The following PLXNA2 variants were observed in gnomAD, a reference collection of about 807,000 sequenced individuals.
PLXNA2 encodes plexin-A2.
Under a neutral mutation model 193.5 loss-of-function variants are expected in PLXNA2, and 91 were observed. The ratio of observed to expected loss-of-function variants is 0.47; its 90% CI spans 0.40 to 0.56. The LOEUF (loss-of-function observed/expected upper bound fraction) is 0.56. Among genes scored for constraint, PLXNA2 ranks in the 20% least tolerant of loss-of-function variants. The pLI is 0.00. For synonymous variants in PLXNA2, 997 were observed against 1,027.3 expected (o/e 0.97, Z 0.56); for missense variants, 1,995 against 2,503.2 (o/e 0.80, Z 4.33).
chr1:208,058,004 C>T (rs142664160), intron 13 of PLXNA2, among the ~76,000 whole-genome samples: 2,186 of 152,314 alleles, frequency 0.014, 39 homozygotes, highest in Middle Eastern at 0.061. Flanking sequence ...GGTTCATCCA[C>T]AGCTGAGCTA....
rs1671185418 is a variant in PLXNA2 at position 208,217,728 on chromosome 1, C to A, written c.195G>T (p.Gly65=). 1 of 1,614,058 alleles carries A rather than the reference C, an allele frequency of 6.2e-7. No homozygotes were observed. Among genetic ancestry groups the A allele is most frequent in the African/African-American group, 1.3e-5 (1 of 74,916 alleles). ...VHQGTGAVYV[G]AINRVYKLTG... is the part of the protein sequence containing the mutation. The stretch of plus-strand genomic sequence containing the variant: ...TCAGCTTATAGACCCGGTTGATGGC[C>A]CCCACATAGACGGCCCCCGTCCCTT... The change falls in exon 2 of 32, where the codon GGG becomes GGT. Residue 65 remains glycine, a synonymous_variant. Transcript: ENST00000367033. This position sits in a 1 kb window ranked among gnomAD's most constrained non-coding sequence, Gnocchi z 4.7.
chr1:208,027,169 T>G lies in PLXNA2; in HGVS notation c.*74A>C. ...GCTCTGGGGCCTGATCCCCATCACT[T>G]GTCCTTCCATCTGAGACTCCCAGTG... On this transcript the variant is annotated 3_prime_UTR_variant, in exon 32 of 32. Coordinates refer to ENST00000367033, the MANE Select transcript of PLXNA2 (RefSeq NM_025179.4). The G allele has an allele frequency of 7.6e-7, 1 of 1,311,808 alleles. No homozygotes were observed. 81.3% of individuals were successfully genotyped at this position (1,311,808 alleles called of 1,614,324 possible).
At chr1:208,128,852 C>A (rs1668054598) in intron 4 of PLXNA2, among the ~76,000 whole-genome samples, 1 of 152,100 alleles carries the variant, frequency 6.6e-6, no homozygotes, top group Admixed American at 6.5e-5. Flanking sequence ...CAGGTGACCG[C>A]CACCATGCCT....
intron 1 of PLXNA2, among the ~76,000 whole-genome samples, chr1:208,232,359 C>T (rs75827807): frequency 0.04 from 6,044 of 152,298 alleles, 192 homozygotes; most frequent in Middle Eastern, 0.11. Flanking sequence ...TCCTATCTGC[C>T]TTGACTCCTC....
intron 4 of PLXNA2, among the ~76,000 whole-genome samples, chr1:208,115,810 G>C (rs934096830): frequency 2.0e-4 from 30 of 152,106 alleles, no homozygotes; most frequent in African/African-American, 7.2e-4. Flanking sequence ...GGAGCAAAAG[G>C]GAAGTACAAA....
Position 208,217,452 on chromosome 1 carries a change from G to A in PLXNA2, c.471C>T (p.His157=), listed in dbSNP as rs751820150. The A allele has an allele frequency of 6.2e-6, 10 of 1,614,186 alleles. No homozygotes were observed. Among genetic ancestry groups the A allele is most frequent in the South Asian group, 2.2e-5 (2 of 91,084 alleles). Residue 157 remains histidine (H), a synonymous_variant, in exon 2 of 32, where the codon CAC becomes CAT. Coordinates refer to ENST00000367033, the MANE Select transcript of PLXNA2 (RefSeq NM_025179.4). This position sits in a 1 kb window ranked among gnomAD's most constrained non-coding sequence, Gnocchi z 4.7. ...CCGTCTTGTTGACACTGGACAGGTA[G>A]TGCTCCTTCTTGTGGGATGGCTCCA... is the stretch of plus-strand genomic sequence containing the variant. ...ILVEPSHKKE[H]YLSSVNKTGT...
intron 2 of PLXNA2, among the ~76,000 whole-genome samples, chr1:208,212,656 C>T (rs1671000022): frequency 6.6e-6 from 1 of 152,176 alleles, no homozygotes; most frequent in Non-Finnish European, 1.5e-5. Flanking sequence ...CCAGAGCACT[C>T]CTCTCCCTCC....
At chr1:208,147,644 A>C (rs1668640050) in intron 3 of PLXNA2, among the ~76,000 whole-genome samples, 1 of 152,236 alleles carries the variant, frequency 6.6e-6, no homozygotes, top group Non-Finnish European at 1.5e-5. Flanking sequence ...TTTATAGATA[A>C]AAACTCAGAG....
At chr1:208,094,205 G>A (rs1170669373) in intron 8 of PLXNA2, among the ~76,000 whole-genome samples, 1 of 152,210 alleles carries the variant, frequency 6.6e-6, no homozygotes, top group African/African-American at 2.4e-5. Flanking sequence ...AGGGCCTAAG[G>A]AGGATGGTTA....
intron 9 of PLXNA2, 35 bp from the exon 10 acceptor site, chr1:208,084,615 C>T (rs746643653): frequency 6.3e-7 from 1 of 1,596,216 alleles, no homozygotes; most frequent in Non-Finnish European, 8.6e-7. Context: ...CATCTGTCCC[C>T]TGTTCATGCT....
At chr1:208,135,062 C>A (rs1208481956) in intron 4 of PLXNA2, among the ~76,000 whole-genome samples, 2 of 152,000 alleles carry the variant, frequency 1.3e-5, no homozygotes, top group East Asian at 3.9e-4. Context: ...GGTGCAGCTG[C>A]TGGACATTGG....
intron 3 of PLXNA2, among the ~76,000 whole-genome samples, chr1:208,143,504 G>A (rs1309882120): frequency 6.6e-6 from 1 of 152,160 alleles, no homozygotes; most frequent in African/African-American, 2.4e-5. Flanking sequence ...GGTCCCTAAG[G>A]TCATACAAAA....
intron 3 of PLXNA2, among the ~76,000 whole-genome samples, chr1:208,153,551 G>C (rs1044088021): frequency 1.3e-5 from 2 of 152,214 alleles, no homozygotes; most frequent in African/African-American, 4.8e-5. Flanking sequence ...TGGCTCCCCA[G>C]TGGGCTGGTG....
intron 3 of PLXNA2, among the ~76,000 whole-genome samples, chr1:208,153,586 T>TCTTAGGAGG (rs1409954820): frequency 4.6e-5 from 7 of 152,302 alleles, no homozygotes; most frequent in Non-Finnish European, 8.8e-5. Context: ...GAAAGTAGTA[T>TCTTAGGAGG]AAACACTCAA....
At position 208,026,055 on chromosome 1, in the gene PLXNA2, C is replaced by T. The variant is rs562206919; in HGVS notation, c.*1188G>A. ...TACTGCAGCTTCTGTAACCTATGCT[C>T]TTCAAGTATTGCTTGCTGTAAACAG... On this transcript the variant is annotated 3_prime_UTR_variant, in exon 32 of 32. Transcript: ENST00000367033. 2.0e-5 allele frequency: 3 copies of T among 152,764 alleles called. No homozygotes were observed. The highest frequency in any genetic ancestry group is 2.1e-4 in the South Asian group (1 of 4,824). 9.5% of individuals were successfully genotyped at this position (152,764 alleles called of 1,614,324 possible). A position where few individuals can be genotyped will look rare whatever the true frequency, so the allele number is the denominator to read the frequency against.
intron 22 of PLXNA2, among the ~76,000 whole-genome samples, chr1:208,040,501 G>T (rs1476489831): frequency 6.6e-6 from 1 of 152,196 alleles, no homozygotes; most frequent in African/African-American, 2.4e-5. Context: ...AAGGTGCCTG[G>T]TCCCTTCCCC....
intron 4 of PLXNA2, 149 bp from the exon 5 acceptor site, chr1:208,103,396 A>G (rs778637450): frequency 2.8e-5 from 17 of 610,396 alleles, no homozygotes; most frequent in Non-Finnish European, 4.8e-5. Context: ...CAATGTCCCC[A>G]ATCTCTTTAC....
At position 208,079,322 on chromosome 1, in the gene PLXNA2, A is replaced by C. The variant is rs1020508042; in HGVS notation, c.2524T>G (p.Ser842Ala). 6.2e-7 allele frequency: 1 copy of C among 1,613,330 alleles called. No homozygotes were observed. Among genetic ancestry groups the C allele is most frequent in the African/African-American group, 1.3e-5 (1 of 74,916 alleles). ...CTLHQHCTSP[S>A]SPWLDWSSHN... is the part of the protein sequence containing the mutation. ...CTGGACCAGTCGAGCCAGGGGCTGG[A>C]AGGGCTGGTACAGTGCTGGTGGAGG... Residue 842 changes from serine to alanine, a missense_variant, in exon 12 of 32, where the codon TCC becomes GCC. By Grantham distance (99) the Ser-to-Ala change is moderately conservative. Coordinates refer to ENST00000367033, the MANE Select transcript of PLXNA2 (RefSeq NM_025179.4).
intron 1 of PLXNA2, among the ~76,000 whole-genome samples, chr1:208,241,406 C>G (rs1672045458): frequency 6.6e-6 from 1 of 152,314 alleles, no homozygotes; most frequent in Middle Eastern, 3.4e-3. Context: ...CTTGTAATGA[C>G]ATGGTTTTGG....
Sources: gnomAD v4.1 joint callset for allele counts (sites outside exome capture counted in the v4.1 genomes callset) on GRCh38, gnomAD v4.1.1 for gene constraint, Gnocchi (gnomAD v3.1) non-coding constraint, MANE v1.5 for transcripts, NCBI Gene and HGNC (gene_info 2026-07-23, HGNC 2026-07-21) for gene names.